Variants in TENM1 observed in about 807,000 individuals in gnomAD.
TENM1 encodes teneurin transmembrane protein 1, also known as teneurin-1.
Under a neutral mutation model 174.8 loss-of-function variants are expected in TENM1, and 35 were observed. The observed-to-expected ratio is 0.20, with a 90% CI of 0.15 to 0.27. The LOEUF is 0.27. Ranked by LOEUF, TENM1 falls within the 10% of genes least tolerant of loss-of-function variation. The probability of loss-of-function intolerance (pLI) is 1.00; values close to 1 mark genes in which losing one functional copy is unlikely to be tolerated. For missense variants in TENM1, 1,633 were observed against 2,130.1 expected (o/e 0.77, Z 4.59); for synonymous variants, 781 against 798.7 (o/e 0.98, Z 0.37).
chrX:124,422,763 G>A, intron 23 of TENM1, 125 bp from the exon 27 acceptor site: 1 of 663,408 alleles, frequency 1.5e-6, no homozygotes, highest in Non-Finnish European at 2.3e-6. Context: ...AGCAACATTG[G>A]TGATGTCTCG....
intron 23 of TENM1, among the ~76,000 whole-genome samples, chrX:124,452,093 A>G (rs186271274): frequency 1.8e-5 from 2 of 112,344 alleles, no homozygotes; most frequent in East Asian, 5.6e-4. Flanking sequence ...GCAACCTACA[A>G]AATGGGAGAA....
At chrX:124,777,907 T>C (rs945824505) in intron 3 of TENM1, among the ~76,000 whole-genome samples, 1 of 112,846 alleles carries the variant, frequency 8.9e-6, no homozygotes, top group African/African-American at 3.2e-5. Flanking sequence ...TATTCAACTC[T>C]ACCAGTTTAG....
Position 124,799,185 on chromosome X carries a change from T to C in TENM1, c.536-61988A>G, listed in dbSNP as rs190975663. On this transcript the variant is annotated intron_variant, in intron 3 of 31. Transcript: ENST00000422452. ...CTTGGCTATATGGGCTCTTTTTTTG[T>C]TCCATATGAAATTTAAAGTAGTTTT... Among the ~76,000 whole-genome samples, 472 of 111,652 alleles carry C rather than the reference T, an allele frequency of 4.2e-3. 3 individuals are homozygous for C. Among genetic ancestry groups the C allele is most frequent in the South Asian group, 0.018 (47 of 2,636 alleles).
At position 124,692,020 on chromosome X, in the gene TENM1, G is replaced by A. The variant is rs1178294505; in HGVS notation, c.1015+12993C>T. 4.5e-5 allele frequency among the ~76,000 whole-genome samples: 5 copies of A among 111,664 alleles called. No individual in the cohort carries two copies. The East Asian group carries it at 1.4e-3, about 31-fold the overall frequency. ...TTTAAATATTCTTATTAATTTGTAC[G>A]TTCATTTCACCATGATCTGGTAATG... On this transcript the variant is annotated intron_variant, in intron 5 of 31. Transcript: ENST00000422452.
In TENM1 at chrX:124,385,838, C is replaced by T. The variant is rs2060211702; in HGVS notation, c.5915G>A (p.Gly1972Glu). Residue 1972 changes from glycine to glutamate, a missense_variant, in exon 29 of 32, where the codon GGG (glycine) becomes GAG (glutamate). By Grantham distance (98) the Gly-to-Glu change is moderately conservative. Transcript: ENST00000422452. ...GGTGTACTTGTATAAGACTCTGCGC[C>T]CTGTCCCCAGATGCAGGGTCTGTAG... 3 of 1,209,726 alleles carry T rather than the reference C, an allele frequency of 2.5e-6. No homozygotes were observed. The African/African-American group carries it at 5.3e-5, about 21-fold the overall frequency.
chrX:124,839,855 C>T (rs1335838047), intron 3 of TENM1, among the ~76,000 whole-genome samples: 1 of 111,602 alleles, frequency 9.0e-6, no homozygotes, highest in Non-Finnish European at 1.9e-5. Flanking sequence ...CTCTTTGGTA[C>T]ATCACAAATG....
At chrX:124,720,340 C>T (rs1038614285) in intron 4 of TENM1, among the ~76,000 whole-genome samples, 1 of 112,006 alleles carries the variant, frequency 8.9e-6, no homozygotes, top group Non-Finnish European at 1.9e-5. Context: ...TCTCCACAAC[C>T]CCTTATTGTA....
chrX:125,092,068 T>C, the TENM1 span, among the ~76,000 whole-genome samples: 4 of 109,611 alleles, frequency 3.6e-5, no homozygotes. Context: ...ATGCGATGTT[T>C]TGAATAGAAA....
At chrX:124,483,251 C>T (rs1441414787) in intron 21 of TENM1, among the ~76,000 whole-genome samples, 1 of 111,679 alleles carries the variant, frequency 9.0e-6, no homozygotes, top group Non-Finnish European at 1.9e-5. Context: ...CCAGTCTTCC[C>T]TTCTCCAGTC....
intron 5 of TENM1, among the ~76,000 whole-genome samples, chrX:124,679,257 T>G (rs1370232750): frequency 8.9e-6 from 1 of 112,447 alleles, no homozygotes; most frequent in Non-Finnish European, 1.9e-5. Flanking sequence ...TTTGTCAGCA[T>G]TCTCCCCCTA....
At chrX:125,174,837 T>C in the TENM1 span, among the ~76,000 whole-genome samples, 7 of 111,613 alleles carry the variant, frequency 6.3e-5, no homozygotes, top group Non-Finnish European at 1.3e-4. Context: ...CCCTGAATAC[T>C]TGCCTTACCA....
chrX:125,001,499 A>T, the TENM1 span, among the ~76,000 whole-genome samples: 10 of 111,881 alleles, frequency 8.9e-5, no homozygotes, highest in African/African-American at 3.2e-4. Flanking sequence ...ATTTGATTTA[A>T]TAATGTACAC....
At chrX:124,992,150 G>T in the TENM1 span, among the ~76,000 whole-genome samples, 2 of 111,115 alleles carry the variant, frequency 1.8e-5, no homozygotes, top group Non-Finnish European at 3.8e-5. Flanking sequence ...TGCTCAACAT[G>T]CTTACTAGGT....
chrX:125,115,116 G>C, the TENM1 span, among the ~76,000 whole-genome samples: 1 of 111,214 alleles, frequency 9.0e-6, no homozygotes, highest in Non-Finnish European at 1.9e-5. Context: ...AATCCATCAC[G>C]TAAACAGAAC....
chrX:124,544,221 C>T, intron 15 of TENM1, among the ~76,000 whole-genome samples: 1 of 112,555 alleles, frequency 8.9e-6, no homozygotes, highest in Non-Finnish European at 1.9e-5. Context: ...GTATAAGAGC[C>T]ATAAGTATTT....
chrX:125,050,208 C>T, the TENM1 span, among the ~76,000 whole-genome samples: 33,717 of 107,889 alleles, frequency 0.31, 5,950 homozygotes, highest in African/African-American at 0.67. Flanking sequence ...ATGTGCACAA[C>T]GTGCAGGTTA....
the TENM1 span, among the ~76,000 whole-genome samples, chrX:125,071,271 A>G: frequency 8.9e-6 from 1 of 111,793 alleles, no homozygotes; most frequent in East Asian, 2.8e-4. Context: ...CATGTTCTAC[A>G]CTCATTTTTA....
At chrX:124,533,427 G>A (rs1431920415) in intron 15 of TENM1, among the ~76,000 whole-genome samples, 1 of 111,191 alleles carries the variant, frequency 9.0e-6, no homozygotes, top group Non-Finnish European at 1.9e-5. Flanking sequence ...TACGGTGAGG[G>A]TCTGCCTTTG....
chrX:124,606,626 G>T (rs2050164386), intron 11 of TENM1, among the ~76,000 whole-genome samples: 1 of 111,276 alleles, frequency 9.0e-6, no homozygotes, highest in African/African-American at 3.3e-5. Flanking sequence ...TGTTTCAGCT[G>T]CTAGAAAGAG....
Sources: allele counts gnomAD v4.1 joint callset (sites outside exome capture counted in the v4.1 genomes callset), GRCh38; gene constraint gnomAD v4.1.1; transcripts MANE v1.5; gene names NCBI Gene and HGNC (gene_info 2026-07-23, HGNC 2026-07-21).